The following WWOX variants were observed in gnomAD, a reference collection of about 807,000 sequenced individuals.
The protein encoded by WWOX is WW domain-containing oxidoreductase.
WWOX carries 69 observed loss-of-function variants against 46.2 expected under a neutral mutation model. The observed-to-expected ratio is 1.49, with a 90% CI of 1.23 to 1.82. The LOEUF (loss-of-function observed/expected upper bound fraction) is 1.82, where lower values mean the gene tolerates loss of function less well. Ranked by LOEUF, WWOX falls within the 40% of genes most tolerant of loss-of-function variation. The pLI, the probability that WWOX is intolerant of heterozygous loss-of-function variation, is 0.00. For synonymous variants in WWOX, 359 were observed against 202.6 expected, an observed-to-expected ratio of 1.77 and a Z score of -6.56; for missense variants, 919 against 542.6, an observed-to-expected ratio of 1.69 and a Z score of -6.89.
At position 78,666,846 on chromosome 16, in the gene WWOX, G is replaced by A. The variant is rs533835220; in HGVS notation, c.1056+234094G>A. 5.3e-5 allele frequency among the ~76,000 whole-genome samples: 8 copies of A among 152,278 alleles called. No individual in the cohort carries two copies. The South Asian group carries it at 1.0e-3, about 20-fold the overall frequency. On this transcript the variant is annotated intron_variant, in intron 8 of 8. Coordinates refer to ENST00000566780, the MANE Select transcript of WWOX (RefSeq NM_016373.4). ...ACATTTAATTTTCATGCCATGCAGC[G>A]TTCTACGAAGGCTTCCTAAGGAGGC...
At chr16:78,821,197 A>C (rs1366417390) in intron 8 of WWOX, among the ~76,000 whole-genome samples, 1 of 152,088 alleles carries the variant, frequency 6.6e-6, no homozygotes, top group East Asian at 1.9e-4. Flanking sequence ...TTGTGGCTTC[A>C]CACCCATCTA....
At chr16:78,488,516 AT>A (rs2084696021) in intron 8 of WWOX, among the ~76,000 whole-genome samples, 1 of 152,144 alleles carries the variant, frequency 6.6e-6, no homozygotes, top group African/African-American at 2.4e-5. Context: ...TGGATTTACC[AT>A]TGTGGCATCT....
chr16:78,889,882 T>C (rs556876744), intron 8 of WWOX, among the ~76,000 whole-genome samples: 1 of 152,330 alleles, frequency 6.6e-6, no homozygotes, highest in African/African-American at 2.4e-5. Context: ...ATGATGAATT[T>C]TCTATTAATG....
intron 8 of WWOX, among the ~76,000 whole-genome samples, chr16:78,997,835 G>A (rs1164220126): frequency 2.6e-5 from 4 of 152,096 alleles, no homozygotes; most frequent in African/African-American, 9.7e-5. Flanking sequence ...TGCCTTCCCG[G>A]GAATTTCTGA....
At chr16:78,864,635 G>C (rs181209561) in intron 8 of WWOX, among the ~76,000 whole-genome samples, 14 of 152,018 alleles carry the variant, frequency 9.2e-5, no homozygotes, top group African/African-American at 3.1e-4. Context: ...TGTGTCTGTT[G>C]AGGTCCCATT....
At chr16:78,594,668 T>C (rs114085250) in intron 8 of WWOX, among the ~76,000 whole-genome samples, 2,152 of 152,200 alleles carry the variant, frequency 0.014, 48 homozygotes, top group African/African-American at 0.049. Flanking sequence ...CAGGGCAGCG[T>C]GGGACCTCAG....
intron 8 of WWOX, among the ~76,000 whole-genome samples, chr16:78,903,971 C>T (rs941558241): frequency 1.3e-5 from 2 of 152,082 alleles, no homozygotes; most frequent in Admixed American, 6.5e-5. Flanking sequence ...ATGGAGACTC[C>T]TTGTGTGTAG....
At chr16:78,905,647 T>G (rs995026275) in intron 8 of WWOX, among the ~76,000 whole-genome samples, 3 of 152,118 alleles carry the variant, frequency 2.0e-5, no homozygotes, top group African/African-American at 7.2e-5. Context: ...CCTTCCAAAG[T>G]GCTGGGATTA....
At chr16:78,495,957 G>C (rs2084908952) in intron 8 of WWOX, 1 of 152,218 alleles carries the variant, frequency 6.6e-6, no homozygotes, top group Non-Finnish European at 1.5e-5. Flanking sequence ...TTCCTTGAGA[G>C]AGGAACATCT....
chr16:78,109,933 G>C lies in WWOX; in HGVS notation c.230+98G>C, dbSNP rs1024188013. 8.7e-6 allele frequency: 11 copies of C among 1,264,002 alleles called. No individual in the cohort carries two copies. In the Admixed American group the frequency reaches 2.0e-4, roughly 23 times the overall value. 78.3% of individuals were successfully genotyped at this position (1,264,002 alleles called of 1,614,324 possible). On this transcript the variant is annotated intron_variant, in intron 3 of 8. Transcript: ENST00000566780. ...CATAGTAACTGTAGAAAAATACAAA[G>C]TATAACAGTGTGTATCTGTAATCTT...
intron 8 of WWOX, among the ~76,000 whole-genome samples, chr16:78,717,826 A>G (rs994550556): frequency 2.2e-4 from 33 of 152,166 alleles, no homozygotes; most frequent in African/African-American, 7.9e-4. Flanking sequence ...CCTTCCTGCT[A>G]TTTATATTTC....
At chr16:78,989,855 T>TGTGTGTGA (rs1410112349) in intron 8 of WWOX, among the ~76,000 whole-genome samples, 4 of 149,652 alleles carry the variant, frequency 2.7e-5, no homozygotes, top group Admixed American at 6.7e-5. Context: ...TGTGTGTGTG[T>TGTGTGTGA]GATTGAGAGA....
At chr16:78,513,426 A>G (rs559289140) in intron 8 of WWOX, among the ~76,000 whole-genome samples, 1 of 152,288 alleles carries the variant, frequency 6.6e-6, no homozygotes, top group East Asian at 1.9e-4. Context: ...GAGGCTAGGA[A>G]TCACTGGAAA....
intron 8 of WWOX, among the ~76,000 whole-genome samples, chr16:79,138,658 G>A (rs1415454443): frequency 6.6e-6 from 1 of 152,174 alleles, no homozygotes; most frequent in Admixed American, 6.5e-5. Context: ...GGTCCTCCAT[G>A]TACAGCCATG....
At chr16:78,394,174 C>T (rs1442749865) in intron 6 of WWOX, among the ~76,000 whole-genome samples, 1 of 151,986 alleles carries the variant, frequency 6.6e-6, no homozygotes, top group Non-Finnish European at 1.5e-5. Context: ...ATGTTTTAGC[C>T]AACATATCTG....
chr16:78,868,639 A>C (rs530501213), intron 8 of WWOX, among the ~76,000 whole-genome samples: 30 of 152,316 alleles, frequency 2.0e-4, no homozygotes, highest in African/African-American at 7.0e-4. Flanking sequence ...TAATTAGACA[A>C]ATTCTGTTAC....
chr16:78,157,285 G>A (rs79448771), intron 4 of WWOX, among the ~76,000 whole-genome samples: 1 of 152,044 alleles, frequency 6.6e-6, no homozygotes, highest in Non-Finnish European at 1.5e-5. Context: ...TGATGGGGCA[G>A]ATCAGTCAGC....
chr16:79,057,631 G>A (rs918167974), intron 8 of WWOX, among the ~76,000 whole-genome samples: 3 of 152,064 alleles, frequency 2.0e-5, no homozygotes, highest in Admixed American at 1.3e-4. Flanking sequence ...TGACAATTTG[G>A]ATTTGTCTCA....
rs192367780 is a variant in WWOX at position 78,605,522 on chromosome 16, C to A, written c.1056+172770C>A. Among the ~76,000 whole-genome samples the A allele has an allele frequency of 2.6e-5, 4 of 152,034 alleles. No homozygotes were observed. The East Asian group carries it at 7.8e-4, about 30-fold the overall frequency. On this transcript the variant is annotated intron_variant, in intron 8 of 8. Transcript: ENST00000566780. ...CAAAAGGGTAGCCAGTTTTCTGTTA[C>A]CATTGTGCTAACTGAAGAATGGAAA...
Sources: gnomAD v4.1 joint callset for allele counts (sites outside exome capture counted in the v4.1 genomes callset) on GRCh38, gnomAD v4.1.1 for gene constraint, MANE v1.5 for transcripts, NCBI Gene and HGNC (gene_info 2026-07-23, HGNC 2026-07-21) for gene names.